The following PDE6D variants were observed in gnomAD, a reference collection of about 807,000 sequenced individuals.
PDE6D encodes the protein retinal rod rhodopsin-sensitive cGMP 3',5'-cyclic phosphodiesterase subunit delta.
PDE6D carries 10 observed loss-of-function variants against 21.9 expected under a neutral mutation model. The observed-to-expected ratio is 0.46, with a 90% CI of 0.28 to 0.78. The LOEUF is 0.78. PDE6D is among the 30% of genes least tolerant of loss of function. PDE6D has a pLI of 0.12. For missense variants in PDE6D, 139 were observed against 184.8 expected (o/e 0.75, Z 1.44); for synonymous variants, 59 against 63.5 (o/e 0.93, Z 0.34).
intron 1 of PDE6D, among the ~76,000 whole-genome samples, chr2:231,764,893 A>T (rs997084773): frequency 2.0e-5 from 3 of 152,218 alleles, no homozygotes; most frequent in African/African-American, 7.2e-5. Flanking sequence ...TAAGCAATAG[A>T]GGGAGAGTTC....
rs1246468103 is a variant in PDE6D, at chr2:231,732,581, A to C, written c.*371T>G. The C allele has an allele frequency of 6.0e-6, 1 of 166,698 alleles. No individual in the cohort carries two copies. The highest frequency in any genetic ancestry group is 2.4e-5 in the African/African-American group (1 of 42,104). 10.3% of individuals were successfully genotyped at this position (166,698 alleles called of 1,614,324 possible). On this transcript the variant is annotated 3_prime_UTR_variant, in exon 5 of 5. Transcript: ENST00000287600. ...TGGGTCAGGAACACGGAATTTTTCC[A>C]AAACCAGGGGCCAAAGGTAGATGTG...
chr2:231,763,822 C>T (rs4134454), intron 1 of PDE6D, among the ~76,000 whole-genome samples: 41,120 of 151,110 alleles, frequency 0.27, 5,870 homozygotes, highest in Non-Finnish European at 0.32. Flanking sequence ...TTTGTTGTTG[C>T]TGTTGAGACA....
intron 1 of PDE6D, among the ~76,000 whole-genome samples, chr2:231,772,796 C>T (rs933517169): frequency 1.3e-5 from 2 of 152,152 alleles, no homozygotes; most frequent in Non-Finnish European, 2.9e-5. Context: ...CGTGTTCTGT[C>T]CCATTTCTCC....
intron 1 of PDE6D, among the ~76,000 whole-genome samples, chr2:231,760,627 A>C (rs1355384393): frequency 6.6e-6 from 1 of 152,188 alleles, no homozygotes; most frequent in Non-Finnish European, 1.5e-5. Context: ...ACTGAGGGAT[A>C]TAAGATGAAT....
Position 231,733,067 on chromosome 2 carries a change from G to A in PDE6D, c.372-34C>T, listed in dbSNP as rs781613252. 34 of 1,362,448 alleles carry A rather than the reference G, an allele frequency of 2.5e-5. No individual in the cohort carries two copies. The South Asian group carries it at 3.7e-4, about 15-fold the overall frequency. The allele number at this position is 1,362,448 out of a possible 1,614,324, so 84.4% of individuals were successfully genotyped here. A position where few individuals can be genotyped will look rare whatever the true frequency, so the allele number is the denominator to read the frequency against. ...AAGAAGAGAAACAGAGGGCAAAAGA[G>A]AGTGAGCATGTTAGGCACAAGATTT... On this transcript the variant is annotated intron_variant, in intron 4 of 4. Transcript: ENST00000287600.
chr2:231,737,506 G>C, intron 3 of PDE6D: 1 of 487,896 alleles, frequency 2.0e-6, no homozygotes, highest in Non-Finnish European at 3.7e-6. Context: ...ATGCTTTGAG[G>C]TCTAAAGGAC....
intron 4 of PDE6D, among the ~76,000 whole-genome samples, chr2:231,736,204 A>G (rs1312053862): frequency 6.6e-6 from 1 of 152,160 alleles, no homozygotes; most frequent in Non-Finnish European, 1.5e-5. Flanking sequence ...AACCCAAAAC[A>G]AAAACAAAAA....
At chr2:231,733,135 G>A (rs1248742895) in intron 4 of PDE6D, 102 bp from the exon 5 acceptor site, 1 of 764,750 alleles carries the variant, frequency 1.3e-6, no homozygotes, top group Non-Finnish European at 2.3e-6. Context: ...TGGGCCAATG[G>A]ACATGCACCC....
In PDE6D at chr2:231,770,914, T is replaced by C. The variant is rs932561460; in HGVS notation, c.50+10151A>G. Among the ~76,000 whole-genome samples, 4 of 150,520 alleles carry C rather than the reference T, an allele frequency of 2.7e-5. 1 individual carries two copies. Among genetic ancestry groups the C allele is most frequent in the South Asian group, 4.3e-4 (2 of 4,648 alleles). On this transcript the variant is annotated intron_variant, in intron 1 of 4. Transcript: ENST00000287600. ...GTTGCAGTGAGTTGAGATCGCGCCA[T>C]TGCACTCCAGCCTGGGTGACAAGAG...
In PDE6D at chr2:231,739,082, T is replaced by A; in HGVS notation, c.139+18A>T. 6.5e-7 allele frequency: 1 copy of A among 1,549,898 alleles called. No homozygotes were observed. The highest frequency in any genetic ancestry group is 8.9e-7 in the Non-Finnish European group (1 of 1,121,644). ...GGCATTGGTCACAGCCCTGTGTAGA[T>A]AAAGGGTTGGAAAGTACCTTCATGC... is the stretch of plus-strand genomic sequence containing the variant. On this transcript the variant is annotated intron_variant, in intron 2 of 4. Transcript: ENST00000287600. This position sits in a 1 kb window ranked among gnomAD's most constrained non-coding sequence, Gnocchi z 4.2.
chr2:231,747,342 C>T (rs562763442), intron 1 of PDE6D, among the ~76,000 whole-genome samples: 61 of 152,320 alleles, frequency 4.0e-4, no homozygotes, highest in African/African-American at 1.3e-3. Context: ...CCGCCTGCCT[C>T]GTCCTCCCAG....
At chr2:231,735,240 T>G (rs1187679702) in intron 4 of PDE6D, among the ~76,000 whole-genome samples, 1 of 84,488 alleles carries the variant, frequency 1.2e-5, no homozygotes, top group African/African-American at 4.4e-5. Context: ...AGACTCCATA[T>G]CAAAAAAAAA....
intron 4 of PDE6D, among the ~76,000 whole-genome samples, chr2:231,733,780 C>T (rs1196311967): frequency 6.6e-6 from 1 of 151,868 alleles, no homozygotes; most frequent in East Asian, 1.9e-4. Context: ...AAATGATGCA[C>T]CTGTATTGTG....
chr2:231,764,111 T>C (rs112980476), intron 1 of PDE6D, among the ~76,000 whole-genome samples: 2,559 of 152,262 alleles, frequency 0.017, 33 homozygotes, highest in Middle Eastern at 0.027. Flanking sequence ...TAGTCTAGTC[T>C]TGTGTGAGTG....
At chr2:231,751,115 TTCTAG>T (rs2048836416) in intron 1 of PDE6D, among the ~76,000 whole-genome samples, 1 of 140,288 alleles carries the variant, frequency 7.1e-6, no homozygotes, top group African/African-American at 2.8e-5. Context: ...TGTTATTCTA[TTCTAG>T]TCTTTTTTTT....
At position 231,739,919 on chromosome 2, in the gene PDE6D, T is replaced by C. The variant is rs576326339; in HGVS notation, c.51-731A>G. ...TGCCCTGTTTTTAAATATGAGAAGATAGCCAAGTATCAACAGAAATTTAAG... is the reference window on the plus strand; with the variant it reads ...TGCCCTGTTTTTAAATATGAGAAGACAGCCAAGTATCAACAGAAATTTAAG... On this transcript the variant is annotated intron_variant, in intron 1 of 4. Transcript: ENST00000287600. The surrounding 1 kb of genome is among the most constrained non-coding windows in gnomAD (Gnocchi z 4.2). Among the ~76,000 whole-genome samples, 3 of 152,066 alleles carry C rather than the reference T, an allele frequency of 2.0e-5. No individual in the cohort carries two copies. Among genetic ancestry groups the C allele is most frequent in the African/African-American group, 7.2e-5 (3 of 41,486 alleles).
chr2:231,745,472 T>C (rs978120875), intron 1 of PDE6D, among the ~76,000 whole-genome samples: 1 of 152,186 alleles, frequency 6.6e-6, no homozygotes, highest in African/African-American at 2.4e-5. Flanking sequence ...TTCTACCCTC[T>C]GGGTCAGCCA....
At chr2:231,759,762 A>G (rs1254217484) in intron 1 of PDE6D, among the ~76,000 whole-genome samples, 1 of 152,156 alleles carries the variant, frequency 6.6e-6, no homozygotes, top group South Asian at 2.1e-4. Context: ...AACTAACAAC[A>G]AACAGTGAAC....
At chr2:231,772,383 C>A (rs1291295758) in intron 1 of PDE6D, among the ~76,000 whole-genome samples, 2 of 152,180 alleles carry the variant, frequency 1.3e-5, no homozygotes, top group African/African-American at 4.8e-5. Flanking sequence ...CCATTGAAAT[C>A]TTTGTGGATA....
Sources: allele counts gnomAD v4.1 joint callset (sites outside exome capture counted in the v4.1 genomes callset), GRCh38; gene constraint gnomAD v4.1.1; non-coding constraint Gnocchi (gnomAD v3.1); transcripts MANE v1.5; gene names NCBI Gene and HGNC (gene_info 2026-07-23, HGNC 2026-07-21).